TRAPPC8: variants seen among roughly 807,000 people sequenced by gnomAD.
TRAPPC8 encodes the protein trafficking protein particle complex subunit 8, also known as general sporulation gene 1 homolog.
A neutral mutation model predicts 174.3 loss-of-function variants in TRAPPC8; 54 were observed. The ratio of observed to expected loss-of-function variants is 0.31; its 90% CI spans 0.25 to 0.39. The LOEUF (loss-of-function observed/expected upper bound fraction) is 0.39, where lower values mean the gene tolerates loss of function less well. Ranked by LOEUF, TRAPPC8 falls within the 10% of genes least tolerant of loss-of-function variation. The pLI is 1.00. For synonymous variants in TRAPPC8, 630 were observed against 579.9 expected, an observed-to-expected ratio of 1.09 and a Z score of -1.24; for missense variants, 1,531 against 1,699.1, an observed-to-expected ratio of 0.90 and a Z score of 1.74.
intron 1 of TRAPPC8, among the ~76,000 whole-genome samples, chr18:31,935,927 C>T (rs1050610061): frequency 4.0e-5 from 6 of 151,338 alleles, no homozygotes; most frequent in Admixed American, 2.6e-4. Context: ...TTAGTAGAGA[C>T]GAGGTTTCGC....
chr18:31,921,792 T>C (rs1410011716), intron 2 of TRAPPC8, among the ~76,000 whole-genome samples: 1 of 152,180 alleles, frequency 6.6e-6, no homozygotes, highest in African/African-American at 2.4e-5. Flanking sequence ...TTTTCTTGTA[T>C]CTGGGTTCTA....
At chr18:31,856,843 GCT>G (rs1273966734) in intron 20 of TRAPPC8, among the ~76,000 whole-genome samples, 2 of 106,964 alleles carry the variant, frequency 1.9e-5, no homozygotes, top group Non-Finnish European at 3.5e-5. Context: ...ACAGAGCCTT[GCT>G]CTGTCACCCA....
At chr18:31,922,699 T>C (rs901108203) in intron 2 of TRAPPC8, among the ~76,000 whole-genome samples, 2 of 151,956 alleles carry the variant, frequency 1.3e-5, no homozygotes, top group Non-Finnish European at 2.9e-5. Flanking sequence ...TTCTTTGGAA[T>C]TGAAATAGCA....
Position 31,874,628 on chromosome 18 carries a change from T to C in TRAPPC8, c.1805A>G (p.His602Arg), listed in dbSNP as rs2145223585. 2 of 1,614,138 alleles carry C rather than the reference T, an allele frequency of 1.2e-6. No individual in the cohort carries two copies. The highest frequency in any genetic ancestry group is 2.2e-5 in the South Asian group (2 of 91,084). ...CTGGCGCCCAATAGTGAAATTAATG[T>C]GATCCTCTGCAAGAGACCAGCCTTT... ...KGKGWSLAEDHINFTIGRQSY... is the reference protein window; with the variant it reads ...KGKGWSLAEDRINFTIGRQSY... The change falls in exon 13 of 29, where the codon CAC (histidine) becomes CGC (arginine). Residue 602 changes from histidine to arginine, a missense_variant. By Grantham distance (29) the His-to-Arg change is conservative. Transcript: ENST00000283351.
At chr18:31,930,983 A>G (rs2037821788) in intron 2 of TRAPPC8, among the ~76,000 whole-genome samples, 1 of 152,222 alleles carries the variant, frequency 6.6e-6, no homozygotes, top group African/African-American at 2.4e-5. Context: ...TTACATATTT[A>G]CGCATTTTAT....
chr18:31,890,285 A>G lies in TRAPPC8; in HGVS notation c.1728+450T>C, dbSNP rs1398521004. Among the ~76,000 whole-genome samples, 3 of 152,210 alleles carry G rather than the reference A, an allele frequency of 2.0e-5. No homozygotes were observed. In the East Asian group the frequency reaches 5.8e-4, roughly 29 times the overall value. ...CAACTCAGCTGCTTCAAGAGACAAC[A>G]GACAGAAGATGTCTATACATTAAGT... On this transcript the variant is annotated intron_variant, in intron 12 of 28. Transcript: ENST00000283351.
intron 2 of TRAPPC8, among the ~76,000 whole-genome samples, chr18:31,927,038 G>A (rs551066676): frequency 1.3e-5 from 2 of 152,248 alleles, no homozygotes; most frequent in African/African-American, 2.4e-5. Flanking sequence ...GGTGGGGCAA[G>A]GTACAGATCA....
intron 1 of TRAPPC8, among the ~76,000 whole-genome samples, chr18:31,935,164 G>C (rs886497576): frequency 1.3e-5 from 2 of 151,232 alleles, no homozygotes; most frequent in African/African-American, 4.9e-5. Context: ...GACCAACATA[G>C]AGAAACCCCG....
intron 5 of TRAPPC8, among the ~76,000 whole-genome samples, chr18:31,912,542 T>A (rs747432003): frequency 3.3e-5 from 5 of 151,738 alleles, no homozygotes; most frequent in Non-Finnish European, 7.4e-5. Flanking sequence ...ACGCCTGTAA[T>A]CCCAGTTACT....
At chr18:31,926,434 C>G (rs2145599846) in intron 2 of TRAPPC8, 1 of 151,086 alleles carries the variant, frequency 6.6e-6, no homozygotes, top group East Asian at 1.9e-4. Flanking sequence ...GAGAAACTAG[C>G]AACAGACACA....
chr18:31,942,748 T>C lies in TRAPPC8; in HGVS notation c.17A>G (p.Gln6Arg), dbSNP rs148246372. MAQCVQSVQELIPDSF... is the reference protein window; with the variant it reads MAQCVRSVQELIPDSF... ...GTCCGGGATTAGCTCCTGCACTGATTGTACACACTGGGCCATCGCCGCAGC... is the reference window on the plus strand; with the variant it reads ...GTCCGGGATTAGCTCCTGCACTGATCGTACACACTGGGCCATCGCCGCAGC... The change falls in exon 1 of 29, where the codon CAA becomes CGA. Residue 6 changes from glutamine (Q) to arginine (R), a missense_variant. Gln to Arg is a conservative substitution (Grantham distance 43). Transcript: ENST00000283351. The C allele has an allele frequency of 2.6e-6, 4 of 1,550,232 alleles. No individual in the cohort carries two copies. In the African/African-American group the frequency reaches 5.6e-5, roughly 22 times the overall value.
At chr18:31,914,444 C>T (rs932801639) in intron 4 of TRAPPC8, among the ~76,000 whole-genome samples, 1 of 152,188 alleles carries the variant, frequency 6.6e-6, no homozygotes, top group Non-Finnish European at 1.5e-5. Context: ...ATCCTAGTTA[C>T]AACCATTCAA....
chr18:31,892,428 A>G (rs890554570), intron 11 of TRAPPC8, among the ~76,000 whole-genome samples: 1 of 152,156 alleles, frequency 6.6e-6, no homozygotes, highest in African/African-American at 2.4e-5. Flanking sequence ...TTAAAGCTAC[A>G]CTGTCTTCCA....
At chr18:31,834,532 G>A (rs1008617055) in intron 27 of TRAPPC8, among the ~76,000 whole-genome samples, 3 of 152,180 alleles carry the variant, frequency 2.0e-5, no homozygotes, top group South Asian at 2.1e-4. Flanking sequence ...TGCATCCAGT[G>A]AAAAAGCTGG....
chr18:31,879,031 G>T (rs942078517), intron 12 of TRAPPC8, among the ~76,000 whole-genome samples: 2 of 152,138 alleles, frequency 1.3e-5, no homozygotes, highest in Non-Finnish European at 2.9e-5. Context: ...AATACTGGGG[G>T]ACTTCAACAC....
Position 31,856,976 on chromosome 18 carries a change from G to GT in TRAPPC8, c.3188+563dup, listed in dbSNP as rs1728270609. 5.3e-5 allele frequency among the ~76,000 whole-genome samples: 8 copies of GT among 151,960 alleles called. No homozygotes were observed. In the South Asian group the frequency reaches 1.7e-3, roughly 32 times the overall value. ...TAATTTTGTAAAAATGACAATGGAG[G>GT]TATCAAAAGAAAATATTCTGTTGAA... On this transcript the variant is annotated intron_variant, in intron 20 of 28. Coordinates refer to ENST00000283351, the MANE Select transcript of TRAPPC8 (RefSeq NM_014939.5).
chr18:31,895,921 T>G (rs1025843405), intron 11 of TRAPPC8: 11 of 152,224 alleles, frequency 7.2e-5, no homozygotes, highest in Admixed American at 5.9e-4. Context: ...TTACAGAAAC[T>G]TTTGTAGAAG....
chr18:31,867,007 T>G (rs1309780210), intron 17 of TRAPPC8, 32 bp from the exon 18 acceptor site: 1 of 1,606,654 alleles, frequency 6.2e-7, no homozygotes, highest in South Asian at 1.1e-5. Flanking sequence ...TCTTATTATG[T>G]TTTCATAATA....
At chr18:31,869,816 C>T (rs1354612423) in intron 16 of TRAPPC8, among the ~76,000 whole-genome samples, 5 of 152,100 alleles carry the variant, frequency 3.3e-5, no homozygotes, top group South Asian at 2.1e-4. Context: ...AGGCCGGGCG[C>T]GGTGGCTCAT....
Sources: allele counts gnomAD v4.1 joint callset (sites outside exome capture counted in the v4.1 genomes callset), GRCh38; gene constraint gnomAD v4.1.1; transcripts MANE v1.5; gene names NCBI Gene and HGNC (gene_info 2026-07-23, HGNC 2026-07-21).